Variants in WDR33 observed in about 807,000 individuals in gnomAD.
WDR33 encodes the protein pre-mRNA 3' end processing protein WDR33.
Under a neutral mutation model 164.9 loss-of-function variants are expected in WDR33, and 47 were observed. The observed-to-expected ratio is 0.29, with a 90% CI of 0.23 to 0.36. The LOEUF (loss-of-function observed/expected upper bound fraction) is 0.36. Among genes scored for constraint, WDR33 ranks in the 10% least tolerant of loss-of-function variants. The probability of loss-of-function intolerance (pLI) is 1.00; values close to 1 mark genes in which losing one functional copy is unlikely to be tolerated. For synonymous variants in WDR33, 505 were observed against 589.0 expected (o/e 0.86, Z 2.06); for missense variants, 1,137 against 1,754.1 (o/e 0.65, Z 6.28).
In WDR33 at chr2:127,741,421, CACTT is replaced by C. The variant is rs1170551319; in HGVS notation, c.725-14648_725-14645del. 1.3e-5 allele frequency among the ~76,000 whole-genome samples: 2 copies of C among 152,154 alleles called. No individual in the cohort carries two copies. Among genetic ancestry groups the C allele is most frequent in the Non-Finnish European group, 2.9e-5 (2 of 68,030 alleles). On this transcript the variant is annotated intron_variant, in intron 7 of 21. Transcript: ENST00000322313. This position sits in a 1 kb window ranked among gnomAD's most constrained non-coding sequence, Gnocchi z 4.1. ...CCACCTCAGAGTACAAACCACAACC[CACTT>C]ACTTGATAAATGTGGCAGTGGCCTG...
chr2:127,794,970 CATG>C (rs1688981628), intron 1 of WDR33, among the ~76,000 whole-genome samples: 1 of 151,534 alleles, frequency 6.6e-6, no homozygotes, highest in Non-Finnish European at 1.5e-5. Context: ...TCCTGAGCAA[CATG>C]ATAAGACCCT....
At position 127,764,233 on chromosome 2, in the gene WDR33, A is replaced by T; in HGVS notation, c.626+595T>A. 1 of 1,131,626 alleles carries T rather than the reference A, an allele frequency of 8.8e-7. No individual in the cohort carries two copies. The highest frequency in any genetic ancestry group is 1.1e-6 in the Non-Finnish European group (1 of 924,146). The allele number at this position is 1,131,626 out of a possible 1,614,324, so 70.1% of individuals were successfully genotyped here. ...AGTGATGTTATCAACAGTGAATCAG[A>T]AGAAAAGTCCTAGAGTCTTCTTGAC... On this transcript the variant is annotated intron_variant, in intron 6 of 21. Coordinates refer to ENST00000322313, the MANE Select transcript of WDR33 (RefSeq NM_018383.5). The surrounding 1 kb of genome is among the most constrained non-coding windows in gnomAD (Gnocchi z 6.2).
chr2:127,701,602 C>A lies in WDR33; in HGVS notation c.*4721G>T. On this transcript the variant is annotated 3_prime_UTR_variant, in exon 22 of 22. Coordinates refer to ENST00000322313, the MANE Select transcript of WDR33 (RefSeq NM_018383.5). Reference sequence around the variant, plus strand: ...GCTGGCGGCCCGGCGGCCGCGGAGCCGCTGCTCGCCGCGGAGAAGGCGGAG... The same window carrying A: ...GCTGGCGGCCCGGCGGCCGCGGAGCAGCTGCTCGCCGCGGAGAAGGCGGAG... The A allele has an allele frequency of 7.4e-7, 1 of 1,347,536 alleles. No individual in the cohort carries two copies. The allele number at this position is 1,347,536 out of a possible 1,614,324, so 83.5% of individuals were successfully genotyped here.
chr2:127,737,714 C>T, intron 7 of WDR33: 1 of 1,133,624 alleles, frequency 8.8e-7, no homozygotes, highest in African/African-American at 1.6e-5. Flanking sequence ...AAAGATGTTT[C>T]AAATGATTCT....
At chr2:127,793,543 C>T (rs369523376) in intron 1 of WDR33, among the ~76,000 whole-genome samples, 52 of 151,812 alleles carry the variant, frequency 3.4e-4, no homozygotes, top group African/African-American at 1.2e-3. Flanking sequence ...GAGTTCAAGA[C>T]CACCCTGAGC....
chr2:127,795,682 A>G (rs1478469384), intron 1 of WDR33, among the ~76,000 whole-genome samples: 1 of 151,262 alleles, frequency 6.6e-6, no homozygotes, highest in African/African-American at 2.4e-5. Context: ...AACACCAAAA[A>G]GTTAGCCAGG....
chr2:127,738,016 C>G lies in WDR33; in HGVS notation c.725-11239G>C. The G allele has an allele frequency of 6.2e-7, 1 of 1,613,040 alleles. No individual in the cohort carries two copies. Among genetic ancestry groups the G allele is most frequent in the East Asian group, 2.2e-5 (1 of 44,794 alleles). On this transcript the variant is annotated intron_variant, in intron 7 of 21. Coordinates refer to ENST00000322313, the MANE Select transcript of WDR33 (RefSeq NM_018383.5). The surrounding 1 kb of genome is among the most constrained non-coding windows in gnomAD (Gnocchi z 4.4). Reference sequence around the variant, plus strand: ...CCACCTACTGTTATTCACCTCTTGACAGAAAGGAAGTAACAACGGCAGTGA... The same window carrying G: ...CCACCTACTGTTATTCACCTCTTGAGAGAAAGGAAGTAACAACGGCAGTGA...
rs780742390 is a variant in WDR33, at chr2:127,768,999, G to C, written c.207C>G (p.Asn69Lys). Reference sequence around the variant, plus strand: ...CTCTCTGGTCTCTTTGCCATATTCTGTTCTGTTAAATAAATAAATAAATAA... The same window carrying C: ...CTCTCTGGTCTCTTTGCCATATTCTCTTCTGTTAAATAAATAAATAAATAA... ...YNPSVIKYLE[N>K]RIWQRDQRDM... The change falls in exon 3 of 22, where the codon AAC (asparagine) becomes AAG (lysine). Residue 69 changes from asparagine (N) to lysine (K), a missense_variant and splice_region_variant. By Grantham distance (94) the Asn-to-Lys change is moderately conservative. Transcript: ENST00000322313. 1 of 1,346,278 alleles carries C rather than the reference G, an allele frequency of 7.4e-7. No homozygotes were observed. Among genetic ancestry groups the C allele is most frequent in the East Asian group, 2.7e-5 (1 of 36,872 alleles). The allele number at this position is 1,346,278 out of a possible 1,614,324, so 83.4% of individuals were successfully genotyped here. A position where few individuals can be genotyped will look rare whatever the true frequency, so the allele number is the denominator to read the frequency against.
intron 7 of WDR33, among the ~76,000 whole-genome samples, chr2:127,742,537 A>T (rs1169667204): frequency 6.6e-6 from 1 of 151,498 alleles, no homozygotes; most frequent in Non-Finnish European, 1.5e-5. Context: ...AAAAAAAAAA[A>T]AAAGGGAAGA....
chr2:127,721,010 G>A lies in WDR33; in HGVS notation c.1672-657C>T, dbSNP rs1265215468. 6.6e-6 allele frequency among the ~76,000 whole-genome samples: 1 copy of A among 152,174 alleles called. No individual in the cohort carries two copies. The highest frequency in any genetic ancestry group is 1.5e-5 in the Non-Finnish European group (1 of 68,040). Reference sequence around the variant, plus strand: ...AAAGGAAAAACTCTTTCATAAACAGGTGAATTCAAATTAAAACTATGTTGG... The same window carrying A: ...AAAGGAAAAACTCTTTCATAAACAGATGAATTCAAATTAAAACTATGTTGG... On this transcript the variant is annotated intron_variant, in intron 15 of 21. Coordinates refer to ENST00000322313, the MANE Select transcript of WDR33 (RefSeq NM_018383.5). This position sits in a 1 kb window ranked among gnomAD's most constrained non-coding sequence, Gnocchi z 4.9.
rs1456545516 is a variant in WDR33, at chr2:127,721,606, C to T, written c.1671+230G>A. Among the ~76,000 whole-genome samples, 1 of 152,176 alleles carries T rather than the reference C, an allele frequency of 6.6e-6. No homozygotes were observed. Among genetic ancestry groups the T allele is most frequent in the East Asian group, 1.9e-4 (1 of 5,198 alleles). On this transcript the variant is annotated intron_variant, in intron 15 of 21. Coordinates refer to ENST00000322313, the MANE Select transcript of WDR33 (RefSeq NM_018383.5). This position sits in a 1 kb window ranked among gnomAD's most constrained non-coding sequence, Gnocchi z 4.9. ...CCAGCCTGGGTGACAGGGCATGACT[C>T]TGTCTCTAAAATAAAATAAATAAAA...
intron 7 of WDR33, among the ~76,000 whole-genome samples, chr2:127,760,213 T>C (rs1226927026): frequency 6.6e-6 from 1 of 152,226 alleles, no homozygotes; most frequent in Non-Finnish European, 1.5e-5. Context: ...AAGTATTTGA[T>C]AAGAGTTTGA....
chr2:127,707,950 C>A (rs147090503), intron 21 of WDR33, among the ~76,000 whole-genome samples: 34 of 152,272 alleles, frequency 2.2e-4, no homozygotes, highest in Admixed American at 4.6e-4. Context: ...CAGAAAAAAA[C>A]CCAAAAAGAC....
rs771408726 is a variant in WDR33, at chr2:127,764,355, T to C, written c.626+473A>G. On this transcript the variant is annotated intron_variant, in intron 6 of 21. Coordinates refer to ENST00000322313, the MANE Select transcript of WDR33 (RefSeq NM_018383.5). The surrounding 1 kb of genome is among the most constrained non-coding windows in gnomAD (Gnocchi z 6.2). ...ATCTGTGAGGGTTTTAGTCCTATAC[T>C]TTCCTTTGGAAGTCGTGGCATAACC... 7 of 1,422,794 alleles carry C rather than the reference T, an allele frequency of 4.9e-6. No individual in the cohort carries two copies. In the African/African-American group the frequency reaches 5.8e-5, roughly 12 times the overall value. 88.1% of individuals were successfully genotyped at this position (1,422,794 alleles called of 1,614,324 possible). A position where few individuals can be genotyped will look rare whatever the true frequency, so the allele number is the denominator to read the frequency against.
In WDR33 at chr2:127,764,624, G is replaced by A. The variant is rs952338214; in HGVS notation, c.626+204C>T. 1 of 1,554,516 alleles carries A rather than the reference G, an allele frequency of 6.4e-7. No homozygotes were observed. Among genetic ancestry groups the A allele is most frequent in the Non-Finnish European group, 8.7e-7 (1 of 1,148,210 alleles). ...CAGTACATCTCTAACATATTGCAAAGGCTGATACCGGGACAACACTACTTC... is the reference window on the plus strand; with the variant it reads ...CAGTACATCTCTAACATATTGCAAAAGCTGATACCGGGACAACACTACTTC... On this transcript the variant is annotated intron_variant, in intron 6 of 21. Transcript: ENST00000322313. This position sits in a 1 kb window ranked among gnomAD's most constrained non-coding sequence, Gnocchi z 6.2.
rs1164516577 is a variant in WDR33 at position 127,735,411 on chromosome 2, G to C, written c.725-8634C>G. ...CAATACATAATAAGTTTTATTTGAA[G>C]GTCAGAAATGGTGTCCATGTTCCCA... On this transcript the variant is annotated intron_variant, in intron 7 of 21. Coordinates refer to ENST00000322313, the MANE Select transcript of WDR33 (RefSeq NM_018383.5). This position sits in a 1 kb window ranked among gnomAD's most constrained non-coding sequence, Gnocchi z 4.3. 1.0e-6 allele frequency: 1 copy of C among 985,574 alleles called. No individual in the cohort carries two copies. Among genetic ancestry groups the C allele is most frequent in the African/African-American group, 1.7e-5 (1 of 57,196 alleles). 61.1% of individuals were successfully genotyped at this position (985,574 alleles called of 1,614,324 possible). A position where few individuals can be genotyped will look rare whatever the true frequency, so the allele number is the denominator to read the frequency against.
intron 1 of WDR33, among the ~76,000 whole-genome samples, chr2:127,787,527 G>A (rs1485869190): frequency 1.4e-4 from 18 of 129,824 alleles, no homozygotes; most frequent in African/African-American, 5.8e-4. Context: ...GCGGCTGGCC[G>A]GTCGGGGGGC....
At chr2:127,761,725 T>C (rs1456695030) in intron 7 of WDR33, among the ~76,000 whole-genome samples, 1 of 152,222 alleles carries the variant, frequency 6.6e-6, no homozygotes, top group Non-Finnish European at 1.5e-5. Flanking sequence ...CTTGGCATCA[T>C]GGAGCTCATC....
At position 127,701,824 on chromosome 2, in the gene WDR33, C is replaced by T. The variant is rs1685893323; in HGVS notation, c.*4499G>A. On this transcript the variant is annotated 3_prime_UTR_variant, in exon 22 of 22. Coordinates refer to ENST00000322313, the MANE Select transcript of WDR33 (RefSeq NM_018383.5). ...TTCGGCCTAGCCGCGCTCTACGCAC[C>T]GGTGTTGCTGCTGCGCGCGCGCAAG... The T allele has an allele frequency of 2.1e-6, 3 of 1,457,934 alleles. No homozygotes were observed. The South Asian group carries it at 3.9e-5, about 19-fold the overall frequency. 90.3% of individuals were successfully genotyped at this position (1,457,934 alleles called of 1,614,324 possible). A position where few individuals can be genotyped will look rare whatever the true frequency, so the allele number is the denominator to read the frequency against.
Sources: allele counts gnomAD v4.1 joint callset (sites outside exome capture counted in the v4.1 genomes callset), GRCh38; gene constraint gnomAD v4.1.1; non-coding constraint Gnocchi (gnomAD v3.1); transcripts MANE v1.5; gene names NCBI Gene and HGNC (gene_info 2026-07-23, HGNC 2026-07-21).